STX3: variants seen among roughly 807,000 people sequenced by gnomAD.
STX3 encodes syntaxin-3.
A neutral mutation model predicts 40.2 loss-of-function variants in STX3; 19 were observed. The ratio of observed to expected loss-of-function variants is 0.47; its 90% confidence interval spans 0.33 to 0.69. The LOEUF (loss-of-function observed/expected upper bound fraction) is 0.69, where lower values mean the gene tolerates loss of function less well. Among genes scored for constraint, STX3 ranks in the 30% least tolerant of loss-of-function variants. The probability of loss-of-function intolerance (pLI) is 0.02; values close to 1 mark genes in which losing one functional copy is unlikely to be tolerated. For missense variants in STX3, 364 were observed against 366.7 expected, an observed-to-expected ratio of 0.99 and a Z score of 0.06; for synonymous variants, 122 against 132.2, an observed-to-expected ratio of 0.92 and a Z score of 0.53.
chr11:59,799,750 C>T (rs1460181068), intron 10 of STX3: 1 of 985,266 alleles, frequency 1.0e-6, no homozygotes, highest in Non-Finnish European at 1.2e-6. Flanking sequence ...ATTGAGCATT[C>T]AACTTCATCT....
intron 5 of STX3, 43 bp from the exon 6 acceptor site, chr11:59,792,064 A>G: frequency 6.6e-7 from 1 of 1,507,772 alleles, no homozygotes; most frequent in African/African-American, 1.4e-5. Flanking sequence ...TATAACAGTT[A>G]CAGAACCACT....
At chr11:59,788,836 C>T (rs1864928423) in intron 3 of STX3, 37 bp from the exon 4 acceptor site, 1 of 1,583,862 alleles carries the variant, frequency 6.3e-7, no homozygotes. Flanking sequence ...TCAGTCCTCT[C>T]CTTTCTAACG....
chr11:59,760,981 A>G (rs938132355), intron 1 of STX3, among the ~76,000 whole-genome samples: 3 of 152,200 alleles, frequency 2.0e-5, no homozygotes, highest in Non-Finnish European at 4.4e-5. Flanking sequence ...TAACAGCTTG[A>G]CCCTTACACA....
chr11:59,755,885 GTGTC>G lies in STX3; in HGVS notation c.30+255_30+258del, dbSNP rs148245790. ...ACTCTCCCACCCCGCAAGCTGGACA[GTGTC>G]TGTCCAGAGCTGGTTCCCGAAGCGG... On this transcript the variant is annotated intron_variant, in intron 1 of 10. Coordinates refer to ENST00000337979, the MANE Select transcript of STX3 (RefSeq NM_004177.5). 7.1e-3 allele frequency among the ~76,000 whole-genome samples: 1,078 copies of G among 152,350 alleles called. 10 individuals are homozygous for G. The highest frequency in any genetic ancestry group is 0.025 in the African/African-American group (1,038 of 41,584).
rs754617286 is a variant in STX3 at position 59,792,113 on chromosome 11, G to T, written c.364G>T (p.Val122Phe). 1.2e-6 allele frequency: 2 copies of T among 1,613,660 alleles called. No individual in the cohort carries two copies. Among genetic ancestry groups the T allele is most frequent in the Non-Finnish European group, 1.7e-6 (2 of 1,179,842 alleles). Residue 122 changes from valine to phenylalanine, a missense_variant, in exon 6 of 11, where the codon GTC becomes TTC. Transcript: ENST00000337979. ...ATTTTACATCATCCCACAGCACTCTGTCCTTTCTCGGAAGTTTGTGGAGGT... is the reference window on the plus strand; with the variant it reads ...ATTTTACATCATCCCACAGCACTCTTTCCTTTCTCGGAAGTTTGTGGAGGT... Reference protein sequence around the residue: ...DLRIRKSQHSVLSRKFVEVMT... With the variant: ...DLRIRKSQHSFLSRKFVEVMT...
chr11:59,780,990 A>T (rs935704534), intron 2 of STX3, among the ~76,000 whole-genome samples: 9 of 151,784 alleles, frequency 5.9e-5, no homozygotes, highest in Non-Finnish European at 1.0e-4. Context: ...TTGAAACATT[A>T]GTCCTGGTCT....
intron 6 of STX3, 103 bp from the exon 7 acceptor site, chr11:59,792,996 C>A: frequency 8.6e-7 from 1 of 1,162,946 alleles, no homozygotes; most frequent in Non-Finnish European, 1.3e-6. Flanking sequence ...TTGTAAAGGC[C>A]ACGGTCTTTA....
At chr11:59,764,583 AGTTTT>A (rs1863193688) in intron 1 of STX3, among the ~76,000 whole-genome samples, 1 of 152,148 alleles carries the variant, frequency 6.6e-6, no homozygotes, top group Admixed American at 6.5e-5. Context: ...AATCCAACTT[AGTTTT>A]ATGGATGTTG....
chr11:59,791,745 A>G (rs1373950367), intron 5 of STX3, among the ~76,000 whole-genome samples: 2 of 152,204 alleles, frequency 1.3e-5, no homozygotes, highest in Non-Finnish European at 1.5e-5. Flanking sequence ...ATCTTTGGTA[A>G]GTATGACATG....
chr11:59,797,977 A>G (rs918732441), intron 10 of STX3, among the ~76,000 whole-genome samples: 1 of 152,254 alleles, frequency 6.6e-6, no homozygotes, highest in Non-Finnish European at 1.5e-5. Flanking sequence ...TTTGAGACAG[A>G]TACAGTGTTA....
chr11:59,795,806 C>A, intron 9 of STX3: 1 of 1,113,644 alleles, frequency 9.0e-7, no homozygotes, highest in Non-Finnish European at 1.3e-6. Flanking sequence ...GAGCCCATGC[C>A]TCCCTCCCTG....
rs200311584 is a variant in STX3, at chr11:59,788,929, G to T, written c.271G>T (p.Val91Phe). The T allele has an allele frequency of 2.7e-5, 44 of 1,610,426 alleles. No homozygotes were observed. Among genetic ancestry groups the T allele is most frequent in the Middle Eastern group, 1.6e-4 (1 of 6,078 alleles). The change falls in exon 4 of 11, where the codon GTC becomes TTC. Residue 91 changes from valine (V) to phenylalanine (F), a missense_variant. Coordinates refer to ENST00000337979, the MANE Select transcript of STX3 (RefSeq NM_004177.5). ...TTEIKKRANN[V>F]RNKLKSMEKH... is the part of the protein sequence containing the mutation. ...TGAGATTAAGAAAAGGGCCAACAAC[G>T]TCCGGAACAAACTGAAGAGTAAGAA...
In STX3 at chr11:59,793,173, G is replaced by A. The variant is rs1284938569; in HGVS notation, c.540+1G>A. On this transcript the variant is annotated splice_donor_variant, in intron 7 of 10. Coordinates refer to ENST00000337979, the MANE Select transcript of STX3 (RefSeq NM_004177.5). LOFTEE classifies it high-confidence loss of function. ...CAACCCGGCCATCTTCACTTCTGGG[G>A]TGAGTGCCCTGTGTGCTCGGATAGC... 1.2e-6 allele frequency: 2 copies of A among 1,613,014 alleles called. No individual in the cohort carries two copies. Among genetic ancestry groups the A allele is most frequent in the Non-Finnish European group, 1.7e-6 (2 of 1,179,874 alleles).
chr11:59,783,659 A>AT (rs1179494174), intron 2 of STX3, among the ~76,000 whole-genome samples: 4 of 152,114 alleles, frequency 2.6e-5, no homozygotes, highest in Non-Finnish European at 4.4e-5. Flanking sequence ...TTGCCTCATG[A>AT]TTTTTTGATT....
At chr11:59,775,040 G>T (rs934005045) in intron 2 of STX3, among the ~76,000 whole-genome samples, 1 of 152,210 alleles carries the variant, frequency 6.6e-6, no homozygotes, top group Non-Finnish European at 1.5e-5. Context: ...TTTGCAGAGA[G>T]AATGTGATGC....
At chr11:59,782,034 GCT>G (rs1220325918) in intron 2 of STX3, among the ~76,000 whole-genome samples, 1 of 152,142 alleles carries the variant, frequency 6.6e-6, no homozygotes, top group Non-Finnish European at 1.5e-5. Flanking sequence ...AATAAACAGA[GCT>G]TTTTTGCTTA....
Position 59,773,203 on chromosome 11 carries a change from T to C in STX3, c.31-8T>C. 1 of 1,613,892 alleles carries C rather than the reference T, an allele frequency of 6.2e-7. No individual in the cohort carries two copies. ...TAGCCTCACTCTGCTCTTTTTTGCC[T>C]TTTGCAGAAGCAGCTGACACAGGAT... On this transcript the variant is annotated splice_region_variant and splice_polypyrimidine_tract_variant and intron_variant, in intron 1 of 10. Coordinates refer to ENST00000337979, the MANE Select transcript of STX3 (RefSeq NM_004177.5).
intron 2 of STX3, among the ~76,000 whole-genome samples, chr11:59,778,831 CTTT>C (rs112512362): frequency 5.6e-5 from 7 of 125,762 alleles, no homozygotes; most frequent in Non-Finnish European, 6.7e-5. Flanking sequence ...TTTTCTTTTC[CTTT>C]TTTTTTTTTT....
chr11:59,755,907 C>G (rs1246390084), intron 1 of STX3, among the ~76,000 whole-genome samples: 1 of 152,262 alleles, frequency 6.6e-6, no homozygotes, highest in Non-Finnish European at 1.5e-5. Flanking sequence ...AGCTGGTTCC[C>G]GAAGCGGGTG....
Sources: gnomAD v4.1 joint callset for allele counts (sites outside exome capture counted in the v4.1 genomes callset) on GRCh38, gnomAD v4.1.1 for gene constraint, MANE v1.5 for transcripts, NCBI Gene and HGNC (gene_info 2026-07-23, HGNC 2026-07-21) for gene names.